BRINP3: variants seen among roughly 807,000 people sequenced by gnomAD.
BRINP3 encodes the protein BMP/retinoic acid inducible neural specific 3, also known as BMP/retinoic acid-inducible neural-specific protein 3.
BRINP3 carries 19 observed loss-of-function variants against 71.0 expected under a neutral mutation model. The observed-to-expected ratio is 0.27, with a 90% CI of 0.19 to 0.39. The LOEUF is 0.39. BRINP3 is among the 10% of genes least tolerant of loss of function. The probability of loss-of-function intolerance (pLI) is 1.00; values close to 1 mark genes in which losing one functional copy is unlikely to be tolerated. For missense variants in BRINP3, 959 were observed against 940.8 expected, an observed-to-expected ratio of 1.02 and a Z score of -0.25; for synonymous variants, 380 against 337.7, an observed-to-expected ratio of 1.13 and a Z score of -1.37.
intron 2 of BRINP3, among the ~76,000 whole-genome samples, chr1:190,392,631 C>T (rs2102311910): frequency 6.6e-6 from 1 of 151,792 alleles, no homozygotes; most frequent in Non-Finnish European, 1.5e-5. Context: ...ATACTCCCAA[C>T]TTGTAATAGT....
intron 4 of BRINP3, among the ~76,000 whole-genome samples, chr1:190,244,944 C>T (rs891005111): frequency 5.3e-5 from 8 of 152,000 alleles, no homozygotes; most frequent in Admixed American, 1.3e-4. Context: ...TTGCTTAAAA[C>T]TTAAAACTTT....
intron 2 of BRINP3, among the ~76,000 whole-genome samples, chr1:190,322,082 G>A (rs566466793): frequency 4.6e-5 from 7 of 151,664 alleles, no homozygotes; most frequent in East Asian, 1.9e-4. Context: ...TACATATATG[G>A]GAAATAATAG....
chr1:190,319,441 C>T, intron 2 of BRINP3, among the ~76,000 whole-genome samples: 1 of 151,996 alleles, frequency 6.6e-6, no homozygotes, highest in East Asian at 1.9e-4. Flanking sequence ...GAATAGGCTT[C>T]TGTATTAGTT....
chr1:190,270,004 A>G (rs1233974253), intron 3 of BRINP3, among the ~76,000 whole-genome samples: 2 of 152,042 alleles, frequency 1.3e-5, no homozygotes, highest in Non-Finnish European at 2.9e-5. Context: ...GGTTACAACC[A>G]TACGGTAGAA....
At chr1:190,237,100 C>T (rs79060009) in intron 4 of BRINP3, among the ~76,000 whole-genome samples, 3,383 of 151,854 alleles carry the variant, frequency 0.022, 92 homozygotes, top group African/African-American at 0.063. Context: ...AATAGACATA[C>T]GTTTTGAGAA....
At chr1:190,329,517 A>G (rs1386487015) in intron 2 of BRINP3, among the ~76,000 whole-genome samples, 1 of 152,080 alleles carries the variant, frequency 6.6e-6, no homozygotes, top group African/African-American at 2.4e-5. Context: ...AAATACTGCT[A>G]AAAGAAATCA....
chr1:190,238,791 CAT>C (rs767662245), intron 4 of BRINP3, among the ~76,000 whole-genome samples: 3 of 152,066 alleles, frequency 2.0e-5, no homozygotes, highest in Non-Finnish European at 4.4e-5. Context: ...AAAATGTGAA[CAT>C]GTGTGTACAA....
At chr1:190,106,490 A>G (rs1652178314) in intron 7 of BRINP3, among the ~76,000 whole-genome samples, 1 of 151,468 alleles carries the variant, frequency 6.6e-6, no homozygotes, top group South Asian at 2.1e-4. Context: ...TTAAAAGGTC[A>G]TTTCATTTCA....
chr1:190,364,041 C>A lies in BRINP3; in HGVS notation c.237-82291G>T, dbSNP rs986818907. ...TTAGAGTACACTTTTATGTGAAATGCAATTCACAATCTCCTTCTTAGAAAA... is the reference window on the plus strand; with the variant it reads ...TTAGAGTACACTTTTATGTGAAATGAAATTCACAATCTCCTTCTTAGAAAA... On this transcript the variant is annotated intron_variant, in intron 2 of 7. Coordinates refer to ENST00000367462, the MANE Select transcript of BRINP3 (RefSeq NM_199051.3). Among the ~76,000 whole-genome samples the A allele has an allele frequency of 4.6e-5, 6 of 130,698 alleles. No individual in the cohort carries two copies. The South Asian group carries it at 1.6e-3, about 35-fold the overall frequency. 85.7% of individuals were successfully genotyped at this position (130,698 alleles called of 152,430 possible). A position where few individuals can be genotyped will look rare whatever the true frequency, so the allele number is the denominator to read the frequency against.
At chr1:190,148,465 G>A (rs1353758103) in intron 7 of BRINP3, among the ~76,000 whole-genome samples, 3 of 151,502 alleles carry the variant, frequency 2.0e-5, no homozygotes, top group Admixed American at 6.6e-5. Flanking sequence ...GCGTGGTGGC[G>A]GGCGCCTGTA....
At chr1:190,244,950 A>G (rs928006816) in intron 4 of BRINP3, among the ~76,000 whole-genome samples, 12 of 151,978 alleles carry the variant, frequency 7.9e-5, no homozygotes, top group Non-Finnish European at 1.6e-4. Context: ...AAAACTTAAA[A>G]CTTTTTATTA....
chr1:190,335,807 C>T (rs1178936825), intron 2 of BRINP3, among the ~76,000 whole-genome samples: 1 of 151,964 alleles, frequency 6.6e-6, no homozygotes, highest in African/African-American at 2.4e-5. Context: ...CTAGTTTCAT[C>T]TCTAACATGT....
intron 2 of BRINP3, among the ~76,000 whole-genome samples, chr1:190,364,790 A>C (rs1669379158): frequency 6.6e-6 from 1 of 152,156 alleles, no homozygotes; most frequent in Non-Finnish European, 1.5e-5. Flanking sequence ...AATAACATTT[A>C]TAATAAAGCT....
chr1:190,371,485 T>C (rs2102192183), intron 2 of BRINP3, among the ~76,000 whole-genome samples: 1 of 152,308 alleles, frequency 6.6e-6, no homozygotes, highest in East Asian at 1.9e-4. Flanking sequence ...ATTGACTGTA[T>C]ATTTGTAGGT....
intron 2 of BRINP3, among the ~76,000 whole-genome samples, chr1:190,357,535 C>A (rs992075200): frequency 6.6e-6 from 1 of 151,792 alleles, no homozygotes. Context: ...AATACAAGAG[C>A]TTTTTGTGTA....
intron 6 of BRINP3, among the ~76,000 whole-genome samples, chr1:190,162,522 A>T (rs373263429): frequency 3.0e-4 from 45 of 152,240 alleles, no homozygotes; most frequent in African/African-American, 1.0e-3. Context: ...TTTTGAATAA[A>T]GAGTTAATGC....
intron 1 of BRINP3, among the ~76,000 whole-genome samples, chr1:190,466,655 T>C (rs1212094231): frequency 6.6e-6 from 1 of 151,640 alleles, no homozygotes; most frequent in East Asian, 1.9e-4. Flanking sequence ...ACCCCTTAAC[T>C]TGTCTTCTTA....
Position 190,320,130 on chromosome 1 carries a change from A to C in BRINP3, c.237-38380T>G, listed in dbSNP as rs573856633. On this transcript the variant is annotated intron_variant, in intron 2 of 7. Transcript: ENST00000367462. ...ATGAAACAAATTTTAACACAGGGTG[A>C]TTGATATACACAGGGTTAACTTCCT... Among the ~76,000 whole-genome samples the C allele has an allele frequency of 1.2e-4, 18 of 152,164 alleles. 1 individual carries two copies. In the South Asian group the frequency reaches 3.7e-3, roughly 32 times the overall value.
intron 6 of BRINP3, among the ~76,000 whole-genome samples, chr1:190,223,253 G>A (rs1428150178): frequency 6.6e-6 from 1 of 151,932 alleles, no homozygotes; most frequent in Non-Finnish European, 1.5e-5. Context: ...TATCACTGAT[G>A]AGCAGAGATG....
Sources: gnomAD v4.1 joint callset for allele counts (sites outside exome capture counted in the v4.1 genomes callset) on GRCh38, gnomAD v4.1.1 for gene constraint, MANE v1.5 for transcripts, NCBI Gene and HGNC (gene_info 2026-07-23, HGNC 2026-07-21) for gene names.